Variants in EXD1 observed in about 807,000 individuals in gnomAD.
EXD1 encodes the protein exonuclease 3'-5' domain containing 1.
Under a neutral mutation model 49.1 loss-of-function variants are expected in EXD1, and 63 were observed. The ratio of observed to expected loss-of-function variants is 1.28; its 90% CI spans 1.05 to 1.58. The LOEUF (loss-of-function observed/expected upper bound fraction) is 1.58, where lower values mean the gene tolerates loss of function less well. Ranked by LOEUF, EXD1 falls within the 40% of genes most tolerant of loss-of-function variation. EXD1 has a pLI of 0.00. For missense variants in EXD1, 748 were observed against 666.0 expected, an observed-to-expected ratio of 1.12 and a Z score of -1.36; for synonymous variants, 234 against 239.2, an observed-to-expected ratio of 0.98 and a Z score of 0.20.
At chr15:41,213,348 C>T (rs1375409546) in intron 6 of EXD1, among the ~76,000 whole-genome samples, 3 of 151,820 alleles carry the variant, frequency 2.0e-5, no homozygotes, top group Non-Finnish European at 2.9e-5. Context: ...ATTACAGACA[C>T]GCACCACCAC....
At chr15:41,211,795 T>TAAAAAAA (rs57945609) in intron 6 of EXD1, among the ~76,000 whole-genome samples, 5 of 119,632 alleles carry the variant, frequency 4.2e-5, no homozygotes, top group African/African-American at 1.0e-4. Context: ...CCTCATTTCT[T>TAAAAAAA]AAAAAAAAAA....
chr15:41,227,396 G>T, intron 1 of EXD1, among the ~76,000 whole-genome samples: 1 of 152,158 alleles, frequency 6.6e-6, no homozygotes, highest in East Asian at 1.9e-4. Flanking sequence ...TTGGCCGGGC[G>T]CAGTGGCTCA....
intron 7 of EXD1, among the ~76,000 whole-genome samples, chr15:41,207,943 G>A (rs1309798559): frequency 6.6e-6 from 1 of 151,392 alleles, no homozygotes; most frequent in African/African-American, 2.4e-5. Context: ...CCTGGGAGGC[G>A]GCGGTTGTAG....
At chr15:41,216,830 G>A (rs765951419) in intron 4 of EXD1, 35 bp from the exon 5 acceptor site, 4 of 1,607,710 alleles carry the variant, frequency 2.5e-6, no homozygotes, top group African/African-American at 2.7e-5. Flanking sequence ...GGGTGAACTT[G>A]TTCTTTGTTG....
In EXD1 at chr15:41,223,036, G is replaced by A. The variant is rs530718660; in HGVS notation, c.134-3138C>T. On this transcript the variant is annotated intron_variant, in intron 2 of 11. Coordinates refer to ENST00000458580, the MANE Select transcript of EXD1 (RefSeq NM_001286441.2). ...CACAATCATAGCTCACTGCAGCCTC[G>A]AACTCCTGGGCTTAAGTGATCCACC... Among the ~76,000 whole-genome samples the A allele has an allele frequency of 4.4e-4, 66 of 149,392 alleles. 1 individual carries two copies. The highest frequency in any genetic ancestry group is 1.4e-3 in the African/African-American group (58 of 40,920).
chr15:41,215,758 T>A lies in EXD1; in HGVS notation c.447+17A>T. On this transcript the variant is annotated intron_variant, in intron 6 of 11. Transcript: ENST00000458580. ...TACATACAGGCAATACTAGTAATGA[T>A]TGAGGACAATACTTACCGCAGCACC... 1 of 1,612,150 alleles carries A rather than the reference T, an allele frequency of 6.2e-7. No individual in the cohort carries two copies. Among genetic ancestry groups the A allele is most frequent in the South Asian group, 1.1e-5 (1 of 91,042 alleles).
At chr15:41,218,435 C>G (rs1159082599) in intron 3 of EXD1, among the ~76,000 whole-genome samples, 2 of 136,426 alleles carry the variant, frequency 1.5e-5, no homozygotes, top group Non-Finnish European at 3.0e-5. Flanking sequence ...TGCAGTGAGA[C>G]AAGATCATAC....
intron 11 of EXD1, among the ~76,000 whole-genome samples, chr15:41,184,848 G>C (rs993812956): frequency 1.3e-5 from 2 of 151,970 alleles, no homozygotes; most frequent in Admixed American, 6.6e-5. Flanking sequence ...AGTAGAGACA[G>C]AGTTTCACTG....
intron 3 of EXD1, among the ~76,000 whole-genome samples, chr15:41,219,267 A>G (rs2047051247): frequency 6.6e-6 from 1 of 151,946 alleles, no homozygotes; most frequent in Non-Finnish European, 1.5e-5. Flanking sequence ...AAATCCGAAA[A>G]TCTCTGAAAA....
intron 7 of EXD1, among the ~76,000 whole-genome samples, chr15:41,206,816 T>C (rs1387421882): frequency 7.2e-6 from 1 of 138,762 alleles, no homozygotes; most frequent in African/African-American, 2.6e-5. Context: ...GAGGCGGGGT[T>C]TCACCACGTT....
intron 3 of EXD1, among the ~76,000 whole-genome samples, chr15:41,218,119 C>T (rs1300056439): frequency 6.6e-6 from 1 of 152,056 alleles, no homozygotes; most frequent in Non-Finnish European, 1.5e-5. Context: ...CTGAGGCAGG[C>T]AGATCACCTG....
In EXD1 at chr15:41,191,550, A is replaced by G; in HGVS notation, c.756T>C (p.Gly252=). 1.2e-6 allele frequency: 2 copies of G among 1,614,050 alleles called. No individual in the cohort carries two copies. The highest frequency in any genetic ancestry group is 1.7e-6 in the Non-Finnish European group (2 of 1,180,006). ...ADVLQFSMET[G]GYLPNCITTL... ...TAGTGATGCAGTTTGGAAGATAGCC[A>G]CCCGTTTCCATGGAAAACTGAAGTA... The change falls in exon 10 of 12, where the codon GGT becomes GGC. Residue 252 remains glycine, a synonymous_variant. Transcript: ENST00000458580.
rs566200406 is a variant in EXD1 at position 41,222,665 on chromosome 15, G to A, written c.134-2767C>T. 5.5e-4 allele frequency among the ~76,000 whole-genome samples: 76 copies of A among 138,988 alleles called. No homozygotes were observed. The South Asian group carries it at 0.014, about 26-fold the overall frequency. The allele number at this position is 138,988 out of a possible 152,430, so 91.2% of individuals were successfully genotyped here. ...TTTTTTTTTTTTTTTTTTGCTGGAC[G>A]CGGTGACTCACGGCTATAATCTCAG... On this transcript the variant is annotated intron_variant, in intron 2 of 11. Coordinates refer to ENST00000458580, the MANE Select transcript of EXD1 (RefSeq NM_001286441.2).
intron 7 of EXD1, among the ~76,000 whole-genome samples, chr15:41,206,903 A>G (rs2046834100): frequency 7.5e-6 from 1 of 133,274 alleles, no homozygotes; most frequent in Admixed American, 8.1e-5. Flanking sequence ...TACAGGCATG[A>G]GCCACTGTGC....
At chr15:41,211,669 A>G (rs1386749568) in intron 6 of EXD1, among the ~76,000 whole-genome samples, 1 of 151,920 alleles carries the variant, frequency 6.6e-6, no homozygotes, top group Admixed American at 6.6e-5. Flanking sequence ...CACAAAATAC[A>G]AAAATTAAGG....
At chr15:41,195,748 T>C in intron 9 of EXD1, 27 bp downstream of exon 9, 31 of 1,597,570 alleles carry the variant, frequency 1.9e-5, no homozygotes, top group Non-Finnish European at 2.6e-5. Flanking sequence ...ATATACTGGT[T>C]TGAATCCAGT....
rs371424289 is a variant in EXD1 at position 41,199,758 on chromosome 15, A to ATAT, written c.535-3722_535-3721insATA. Among the ~76,000 whole-genome samples, 9 of 119,792 alleles carry ATAT rather than the reference A, an allele frequency of 7.5e-5. 1 individual carries two copies. The highest frequency in any genetic ancestry group is 9.7e-5 in the Non-Finnish European group (6 of 61,628). The allele number at this position is 119,792 out of a possible 152,430, so 78.6% of individuals were successfully genotyped here. A position where few individuals can be genotyped will look rare whatever the true frequency, so the allele number is the denominator to read the frequency against. ...ATATATGTCATATATTATATATGATACATATATGATATATATGTCATATAT... is the reference window on the plus strand; with the variant it reads ...ATATATGTCATATATTATATATGATATATCATATATGATATATATGTCATATAT... On this transcript the variant is annotated intron_variant, in intron 7 of 11. Coordinates refer to ENST00000458580, the MANE Select transcript of EXD1 (RefSeq NM_001286441.2).
chr15:41,191,654 T>C (rs780605963), intron 9 of EXD1, 69 bp from the exon 10 acceptor site: 75 of 1,425,918 alleles, frequency 5.3e-5, no homozygotes, highest in Admixed American at 1.8e-4. Flanking sequence ...GCCAGAAATA[T>C]ATTTAGAGAA....
intron 11 of EXD1, among the ~76,000 whole-genome samples, chr15:41,185,356 G>GT (rs1566971365): frequency 6.0e-5 from 9 of 151,066 alleles, no homozygotes; most frequent in Admixed American, 2.0e-4. Flanking sequence ...GTTTTGTTTT[G>GT]ATTTTTTTAG....
Sources: gnomAD v4.1 joint callset for allele counts (sites outside exome capture counted in the v4.1 genomes callset) on GRCh38, gnomAD v4.1.1 for gene constraint, MANE v1.5 for transcripts, NCBI Gene and HGNC (gene_info 2026-07-23, HGNC 2026-07-21) for gene names.